The following TLN2 variants were observed in gnomAD, a reference collection of about 807,000 sequenced individuals.
The protein encoded by TLN2 is talin-2.
In TLN2, 118 loss-of-function variants were observed where a neutral mutation model predicts 294.7. The observed-to-expected ratio is 0.40, with a 90% confidence interval of 0.34 to 0.47. The LOEUF (loss-of-function observed/expected upper bound fraction) is 0.47, where lower values mean the gene tolerates loss of function less well. TLN2 is among the 20% of genes least tolerant of loss of function. The probability of loss-of-function intolerance (pLI) is 0.84; values close to 1 mark genes in which losing one functional copy is unlikely to be tolerated. For missense variants in TLN2, 3,083 were observed against 3,282.2 expected (o/e 0.94, Z 1.48); for synonymous variants, 1,431 against 1,304.5 (o/e 1.10, Z -2.09).
At chr15:62,468,026 G>T (rs1001344130) in intron 1 of TLN2, among the ~76,000 whole-genome samples, 1 of 152,160 alleles carries the variant, frequency 6.6e-6, no homozygotes, top group African/African-American at 2.4e-5. Flanking sequence ...AATAAAGGTT[G>T]TCTAGCTTTT....
At chr15:62,575,070 T>C (rs1481451065) in intron 1 of TLN2, among the ~76,000 whole-genome samples, 1 of 152,218 alleles carries the variant, frequency 6.6e-6, no homozygotes. Flanking sequence ...TCTAACACTT[T>C]GGGAGGCTGA....
intron 2 of TLN2, among the ~76,000 whole-genome samples, chr15:62,613,262 G>A (rs866858576): frequency 3.3e-5 from 5 of 152,276 alleles, no homozygotes; most frequent in Middle Eastern, 3.4e-3. Flanking sequence ...TTTTTGATCC[G>A]TTTTGCCACT....
At chr15:62,741,565 T>C (rs8025395) in intron 32 of TLN2, among the ~76,000 whole-genome samples, 149,784 of 152,212 alleles carry the variant, frequency 0.98, 73,749 homozygotes, top group Middle Eastern at 1. Flanking sequence ...GGCATGTTTT[T>C]TTAGCATTAT....
chr15:62,418,570 G>A (rs1252093224), intron 1 of TLN2, among the ~76,000 whole-genome samples: 1 of 152,208 alleles, frequency 6.6e-6, no homozygotes, highest in Non-Finnish European at 1.5e-5. Flanking sequence ...CGTATGAAGA[G>A]AACACCAAAC....
chr15:62,704,324 C>T (rs996525915), intron 19 of TLN2, among the ~76,000 whole-genome samples: 4 of 152,168 alleles, frequency 2.6e-5, no homozygotes, highest in East Asian at 1.9e-4. Context: ...GTTTTGACCA[C>T]CTCTTCATTT....
At chr15:62,504,192 C>CTAA (rs762249362) in intron 1 of TLN2, among the ~76,000 whole-genome samples, 18 of 152,258 alleles carry the variant, frequency 1.2e-4, no homozygotes, top group Non-Finnish European at 2.1e-4. Flanking sequence ...TAAAAGGAAA[C>CTAA]AGATACCGTT....
chr15:62,629,385 G>A (rs183155260), intron 3 of TLN2, among the ~76,000 whole-genome samples: 99 of 152,334 alleles, frequency 6.5e-4, no homozygotes, highest in Non-Finnish European at 1.1e-3. Context: ...TCAGCCATCT[G>A]TGACAGTTCC....
intron 1 of TLN2, among the ~76,000 whole-genome samples, chr15:62,544,843 A>G (rs1451087862): frequency 2.0e-5 from 3 of 148,204 alleles, no homozygotes; most frequent in Non-Finnish European, 4.5e-5. Context: ...CTTTATTCTT[A>G]GTTTTTTTTT....
chr15:62,769,368 A>T (rs1043636167), intron 41 of TLN2, among the ~76,000 whole-genome samples: 2 of 152,136 alleles, frequency 1.3e-5, no homozygotes, highest in Non-Finnish European at 2.9e-5. Flanking sequence ...TGTGCCCTCC[A>T]CAAAGGCATT....
chr15:62,655,936 T>C lies in TLN2; in HGVS notation c.518-8T>C. 5.0e-6 allele frequency: 8 copies of C among 1,614,206 alleles called. No homozygotes were observed. Among genetic ancestry groups the C allele is most frequent in the East Asian group, 2.2e-5 (1 of 44,882 alleles). ...CACAGTTCTCTTATATGTCTTGTTG[T>C]GTTGCAGTAAATTGGCTGGATCACA... On this transcript the variant is annotated splice_region_variant and splice_polypyrimidine_tract_variant and intron_variant, in intron 7 of 58. Transcript: ENST00000636159.
At chr15:62,672,664 A>G (rs1305671661) in intron 9 of TLN2, among the ~76,000 whole-genome samples, 4 of 152,238 alleles carry the variant, frequency 2.6e-5, no homozygotes, top group African/African-American at 9.6e-5. Flanking sequence ...AAGAAGTCCC[A>G]GGAACATTTT....
At chr15:62,796,875 C>T (rs2065522044) in intron 47 of TLN2, among the ~76,000 whole-genome samples, 1 of 152,166 alleles carries the variant, frequency 6.6e-6, no homozygotes, top group Non-Finnish European at 1.5e-5. Flanking sequence ...CAGTCACTAG[C>T]TATGGAGTAT....
intron 2 of TLN2, among the ~76,000 whole-genome samples, chr15:62,604,555 T>TG (rs2047267564): frequency 3.7e-5 from 4 of 106,950 alleles, no homozygotes; most frequent in East Asian, 5.4e-4. Context: ...AAGAAAAGGG[T>TG]GGGGGGCGAT....
intron 1 of TLN2, among the ~76,000 whole-genome samples, chr15:62,487,158 C>T (rs907855162): frequency 2.0e-5 from 3 of 152,184 alleles, no homozygotes; most frequent in African/African-American, 4.8e-5. Context: ...AGATGATGGT[C>T]CAGGCTGCTG....
At position 62,702,812 on chromosome 15, in the gene TLN2, G is replaced by C; in HGVS notation, c.1952G>C (p.Ser651Thr). 1 of 1,614,232 alleles carries C rather than the reference G, an allele frequency of 6.2e-7. No individual in the cohort carries two copies. Among genetic ancestry groups the C allele is most frequent in the Non-Finnish European group, 8.5e-7 (1 of 1,180,038 alleles). The change falls in exon 19 of 59, where the codon AGT becomes ACT. Residue 651 changes from serine (S) to threonine (T), a missense_variant. By Grantham distance (58) the Ser-to-Thr change is moderately conservative. Coordinates refer to ENST00000636159, the MANE Select transcript of TLN2 (RefSeq NM_015059.3). The part of the protein sequence containing the change: ...LTAAGSIGQA[S>T]GDLLRQIGEN... The stretch of plus-strand genomic sequence containing the variant: ...GCTGCTGGCAGCATCGGACAAGCCA[G>C]TGGGGATCTTCTGAGACAGATTGGA...
chr15:62,805,483 T>C (rs1200742717), intron 50 of TLN2, 117 bp from the exon 51 acceptor site: 1 of 1,119,114 alleles, frequency 8.9e-7, no homozygotes, highest in African/African-American at 1.6e-5. Context: ...CATGTGACAG[T>C]TTCTTCCAGT....
chr15:62,518,087 A>G (rs987608368), intron 1 of TLN2, among the ~76,000 whole-genome samples: 1 of 151,756 alleles, frequency 6.6e-6, no homozygotes. Flanking sequence ...TCGCCAGGCT[A>G]GAGTACAGTG....
chr15:62,779,411 C>T lies in TLN2; in HGVS notation c.5515-1729C>T, dbSNP rs186837861. On this transcript the variant is annotated intron_variant, in intron 43 of 58. Transcript: ENST00000636159. ...AACAAAAACTGTGCCATCTACATCA[C>T]GGCTGTTTTATAAAAGAAAGGTCAT... Among the ~76,000 whole-genome samples the T allele has an allele frequency of 1.7e-4, 26 of 152,244 alleles. No homozygotes were observed. The South Asian group carries it at 2.5e-3, about 15-fold the overall frequency.
At chr15:62,719,164 G>T (rs1345058681) in intron 24 of TLN2, among the ~76,000 whole-genome samples, 2 of 152,140 alleles carry the variant, frequency 1.3e-5, no homozygotes, top group Non-Finnish European at 2.9e-5. Context: ...ATCTCCCAAG[G>T]CACACTGTAG....
Sources: gnomAD v4.1 joint callset for allele counts (sites outside exome capture counted in the v4.1 genomes callset) on GRCh38, gnomAD v4.1.1 for gene constraint, MANE v1.5 for transcripts, NCBI Gene and HGNC (gene_info 2026-07-23, HGNC 2026-07-21) for gene names.